Variants in RPF2 observed in about 807,000 individuals in gnomAD.
RPF2 encodes the protein brix domain containing 1.
A neutral mutation model predicts 38.9 loss-of-function variants in RPF2; 21 were observed. The ratio of observed to expected loss-of-function variants is 0.54; its 90% confidence interval spans 0.38 to 0.78. The LOEUF is 0.78. RPF2 is among the 30% of genes least tolerant of loss of function. RPF2 has a pLI of 0.00. For synonymous variants in RPF2, 121 were observed against 126.2 expected, an observed-to-expected ratio of 0.96 and a Z score of 0.28; for missense variants, 314 against 358.1, an observed-to-expected ratio of 0.88 and a Z score of 0.99.
At chr6:111,008,257 T>C (rs548665904) in intron 7 of RPF2, 120 bp downstream of exon 7, 4 of 1,104,940 alleles carry the variant, frequency 3.6e-6, no homozygotes, top group East Asian at 3.5e-5. Context: ...TTAAAAATAA[T>C]ATTTATATAC....
chr6:111,003,697 G>A (rs564642257), intron 6 of RPF2, among the ~76,000 whole-genome samples: 34 of 152,182 alleles, frequency 2.2e-4, no homozygotes, highest in African/African-American at 7.7e-4. Context: ...GGTGGCATGT[G>A]CCTGTAGTCC....
rs1024007713 is a variant in RPF2, at chr6:111,014,145, T to G, written c.494-1609T>G. 3.4e-5 allele frequency among the ~76,000 whole-genome samples: 5 copies of G among 146,288 alleles called. No individual in the cohort carries two copies. The East Asian group carries it at 1.1e-3, about 31-fold the overall frequency. ...GCTGTGTTTTTTGTTTTTTGGGTTT[T>G]TTTTTTTTTGAGACTGAGTCTCACA... On this transcript the variant is annotated intron_variant, in intron 7 of 9. Coordinates refer to ENST00000441448, the MANE Select transcript of RPF2 (RefSeq NM_032194.3).
At chr6:110,989,517 C>G (rs1771582240) in intron 3 of RPF2, among the ~76,000 whole-genome samples, 1 of 152,078 alleles carries the variant, frequency 6.6e-6, no homozygotes. Flanking sequence ...GTGGCATGAT[C>G]TCTGCTCACT....
intron 8 of RPF2, among the ~76,000 whole-genome samples, chr6:111,017,284 G>T (rs573858480): frequency 4.2e-5 from 6 of 143,108 alleles, no homozygotes; most frequent in Non-Finnish European, 9.2e-5. Flanking sequence ...CCAACCTCCC[G>T]GACGGGGCGG....
intron 4 of RPF2, among the ~76,000 whole-genome samples, chr6:110,993,831 T>C (rs1477665287): frequency 6.6e-6 from 1 of 152,200 alleles, no homozygotes; most frequent in Non-Finnish European, 1.5e-5. Context: ...GTCAATTTTC[T>C]CCTCCTGACC....
At chr6:111,010,365 A>G (rs145306492) in intron 7 of RPF2, among the ~76,000 whole-genome samples, 36 of 152,204 alleles carry the variant, frequency 2.4e-4, no homozygotes, top group African/African-American at 8.4e-4. Flanking sequence ...AGCTCAAGCA[A>G]TCCACCTGCC....
intron 7 of RPF2, among the ~76,000 whole-genome samples, chr6:111,009,558 T>C (rs796685867): frequency 1.8e-4 from 27 of 152,292 alleles, no homozygotes; most frequent in African/African-American, 6.5e-4. Flanking sequence ...GCACTTCATA[T>C]ACACTGCTTC....
chr6:110,984,881 A>T (rs921108689), intron 1 of RPF2, 125 bp from the exon 2 acceptor site: 8 of 1,034,306 alleles, frequency 7.7e-6, no homozygotes, highest in African/African-American at 6.6e-5. Flanking sequence ...AGAAAGTGAG[A>T]TTTTTTTTAA....
intron 7 of RPF2, among the ~76,000 whole-genome samples, chr6:111,014,075 G>T: frequency 6.6e-6 from 1 of 150,856 alleles, no homozygotes. Context: ...GGAGGGTGGT[G>T]TATAAATGTG....
intron 8 of RPF2, among the ~76,000 whole-genome samples, chr6:111,018,813 G>A (rs1236859328): frequency 3.3e-5 from 5 of 152,126 alleles, no homozygotes; most frequent in Admixed American, 1.3e-4. Context: ...TAAGTCTCCT[G>A]TTTGAGTTTC....
intron 1 of RPF2, 114 bp from the exon 2 acceptor site, chr6:110,984,892 G>A: frequency 9.0e-7 from 1 of 1,113,000 alleles, no homozygotes; most frequent in Non-Finnish European, 1.3e-6. Context: ...TTTTTTTTAA[G>A]GGTGGAACCC....
chr6:111,010,515 C>A (rs1022516496), intron 7 of RPF2, among the ~76,000 whole-genome samples: 1 of 152,182 alleles, frequency 6.6e-6, no homozygotes, highest in South Asian at 2.1e-4. Context: ...GCACAGTACA[C>A]TGATACTCTC....
At chr6:110,990,559 A>AACC (rs1771601294) in intron 3 of RPF2, among the ~76,000 whole-genome samples, 2 of 77,280 alleles carry the variant, frequency 2.6e-5, no homozygotes, top group Non-Finnish European at 5.4e-5. Flanking sequence ...GCAATTGGGA[A>AACC]CCCCCCCCCC....
chr6:111,008,017 G>GT, intron 6 of RPF2, 21 bp from the exon 7 acceptor site: 15 of 1,213,538 alleles, frequency 1.2e-5, no homozygotes, highest in Non-Finnish European at 1.5e-5. Context: ...TTATATAATT[G>GT]CTTTTTTTTT....
chr6:111,001,440 C>T (rs907907882), intron 6 of RPF2, among the ~76,000 whole-genome samples: 8 of 151,956 alleles, frequency 5.3e-5, no homozygotes, highest in East Asian at 3.9e-4. Flanking sequence ...CGCAGTGGCG[C>T]GATCTCAGCT....
At chr6:111,013,903 A>G (rs1337448652) in intron 7 of RPF2, among the ~76,000 whole-genome samples, 1 of 152,186 alleles carries the variant, frequency 6.6e-6, no homozygotes, top group Non-Finnish European at 1.5e-5. Context: ...TTGAGAGACC[A>G]AGGCAGGAGG....
At chr6:110,983,458 C>T (rs1350091803) in intron 1 of RPF2, among the ~76,000 whole-genome samples, 1 of 152,080 alleles carries the variant, frequency 6.6e-6, no homozygotes, top group African/African-American at 2.4e-5. Context: ...AGCAGTCCTC[C>T]TACCTCAGCC....
chr6:111,024,541 G>A (rs1039882885), intron 9 of RPF2, among the ~76,000 whole-genome samples: 11 of 151,866 alleles, frequency 7.2e-5, no homozygotes, highest in African/African-American at 1.5e-4. Flanking sequence ...GTGAAACCCC[G>A]TCTCTATGAA....
At chr6:111,022,547 A>G (rs906863942) in intron 8 of RPF2, among the ~76,000 whole-genome samples, 1 of 152,250 alleles carries the variant, frequency 6.6e-6, no homozygotes, top group South Asian at 2.1e-4. Flanking sequence ...AAATAACAAC[A>G]TAGGTAATTA....
Sources: gnomAD v4.1 joint callset for allele counts (sites outside exome capture counted in the v4.1 genomes callset) on GRCh38, gnomAD v4.1.1 for gene constraint, MANE v1.5 for transcripts, NCBI Gene and HGNC (gene_info 2026-07-23, HGNC 2026-07-21) for gene names.